ADCY3: variants seen among roughly 807,000 people sequenced by gnomAD.
ADCY3 encodes the protein adenylate cyclase 3.
In ADCY3, 70 loss-of-function variants were observed where a neutral mutation model predicts 119.4. The observed-to-expected ratio is 0.59, with a 90% confidence interval of 0.48 to 0.72. ADCY3 has a LOEUF of 0.72. Among genes scored for constraint, ADCY3 ranks in the 30% least tolerant of loss-of-function variants. The pLI is 0.00. For synonymous variants in ADCY3, 672 were observed against 621.4 expected (o/e 1.08, Z -1.21); for missense variants, 1,238 against 1,541.6 (o/e 0.80, Z 3.30).
intron 2 of ADCY3, among the ~76,000 whole-genome samples, chr2:24,881,014 CA>C (rs35610206): frequency 0.39 from 53,376 of 135,156 alleles, 9,846 homozygotes; most frequent in African/African-American, 0.47. Flanking sequence ...GACTCCACCT[CA>C]AAAAAAAAAA....
chr2:24,830,112 C>T (rs532140670), intron 13 of ADCY3, among the ~76,000 whole-genome samples: 3 of 146,202 alleles, frequency 2.1e-5, no homozygotes, highest in Non-Finnish European at 4.5e-5. Context: ...TCAATCTCGG[C>T]TCACTGCAAC....
chr2:24,847,792 T>C (rs1209664147), intron 3 of ADCY3, among the ~76,000 whole-genome samples: 2 of 152,244 alleles, frequency 1.3e-5, no homozygotes, highest in Non-Finnish European at 2.9e-5. Context: ...CCACCAGCTC[T>C]TGAGGGCAGC....
At chr2:24,911,014 C>T (rs558874140) in intron 2 of ADCY3, among the ~76,000 whole-genome samples, 42 of 152,072 alleles carry the variant, frequency 2.8e-4, no homozygotes, top group Non-Finnish European at 4.4e-5. Flanking sequence ...AATGTAACAA[C>T]GCCTCCTACA....
intron 17 of ADCY3, among the ~76,000 whole-genome samples, chr2:24,824,102 C>A (rs1186433706): frequency 1.3e-5 from 2 of 152,270 alleles, no homozygotes; most frequent in African/African-American, 4.8e-5. Flanking sequence ...GAGAAGTTCA[C>A]AGGCAACAGA....
At chr2:24,821,841 A>T in intron 19 of ADCY3, 1 of 682,710 alleles carries the variant, frequency 1.5e-6, no homozygotes, top group East Asian at 3.1e-5. Context: ...GTCTAGGCAA[A>T]GACTGGGCAA....
intron 9 of ADCY3, among the ~76,000 whole-genome samples, chr2:24,836,513 A>T (rs917468504): frequency 1.3e-5 from 2 of 152,236 alleles, no homozygotes; most frequent in African/African-American, 4.8e-5. Context: ...GGCTAAGGAA[A>T]TATCCCATCT....
At chr2:24,825,708 C>T (rs112304891) in intron 16 of ADCY3, 46 of 280,416 alleles carry the variant, frequency 1.6e-4, no homozygotes, top group East Asian at 1.6e-3. Context: ...TGTCCCTCAG[C>T]GCCACGGGGA....
chr2:24,917,372 C>T (rs1042108888), intron 2 of ADCY3, among the ~76,000 whole-genome samples: 24 of 152,330 alleles, frequency 1.6e-4, no homozygotes, highest in African/African-American at 5.3e-4. Context: ...AGTGGGGGAG[C>T]CTCTCTTGAC....
chr2:24,906,105 G>A (rs1430128090), intron 2 of ADCY3, among the ~76,000 whole-genome samples: 28 of 152,084 alleles, frequency 1.8e-4, no homozygotes, highest in Admixed American at 1.6e-3. Context: ...TCAGGAGATC[G>A]AGACCAGCCT....
intron 7 of ADCY3, chr2:24,838,829 G>A (rs1363948250): frequency 6.2e-7 from 1 of 1,608,996 alleles, no homozygotes; most frequent in African/African-American, 1.3e-5. Context: ...CTAGCTGTGT[G>A]GGCCGTATGG....
chr2:24,890,122 A>C (rs558877024), intron 2 of ADCY3, among the ~76,000 whole-genome samples: 2 of 152,164 alleles, frequency 1.3e-5, no homozygotes, highest in Non-Finnish European at 2.9e-5. Context: ...GCTAATGTTA[A>C]ACTGCACCAA....
intron 21 of ADCY3, 35 bp from the exon 22 acceptor site, chr2:24,820,149 C>T (rs768746457): frequency 3.2e-5 from 21 of 648,628 alleles, no homozygotes; most frequent in South Asian, 1.8e-4. Flanking sequence ...CGTGGCGTTA[C>T]GGGGGGAGCC....
intron 20 of ADCY3, 27 bp from the exon 21 acceptor site, chr2:24,820,875 C>T (rs1667537846): frequency 6.2e-7 from 1 of 1,611,616 alleles, no homozygotes; most frequent in Non-Finnish European, 8.5e-7. Context: ...AAGTTCAGCA[C>T]AGCCACAGGC....
At chr2:24,868,305 C>T (rs1406623856) in intron 3 of ADCY3, among the ~76,000 whole-genome samples, 1 of 152,098 alleles carries the variant, frequency 6.6e-6, no homozygotes, top group Admixed American at 6.5e-5. Flanking sequence ...AGATAAAGCT[C>T]AAACAATGTA....
chr2:24,856,203 G>A (rs574512715), intron 3 of ADCY3, among the ~76,000 whole-genome samples: 5 of 152,220 alleles, frequency 3.3e-5, no homozygotes, highest in East Asian at 1.9e-4. Flanking sequence ...GTGTCCATGC[G>A]TTAGCGCTTG....
At chr2:24,845,405 A>C (rs191629371) in intron 3 of ADCY3, among the ~76,000 whole-genome samples, 24 of 152,316 alleles carry the variant, frequency 1.6e-4, no homozygotes, top group African/African-American at 5.5e-4. Flanking sequence ...GGAGATAAGG[A>C]ACTTGTTGGG....
At chr2:24,889,647 G>C (rs1032577285) in intron 2 of ADCY3, among the ~76,000 whole-genome samples, 1 of 152,170 alleles carries the variant, frequency 6.6e-6, no homozygotes, top group African/African-American at 2.4e-5. Context: ...GACCAGCCTG[G>C]CCAACGTGGT....
intron 2 of ADCY3, among the ~76,000 whole-genome samples, chr2:24,890,879 T>A (rs1202848349): frequency 1.3e-5 from 2 of 151,908 alleles, no homozygotes; most frequent in African/African-American, 4.8e-5. Flanking sequence ...AGACCTTTCT[T>A]CTTTTTTTTT....
chr2:24,889,467 G>T (rs921017736), intron 2 of ADCY3, among the ~76,000 whole-genome samples: 4 of 152,178 alleles, frequency 2.6e-5, no homozygotes, highest in Admixed American at 2.6e-4. Context: ...TACTCATCTT[G>T]TATGTATTTC....
Sources: gnomAD v4.1 joint callset for allele counts (sites outside exome capture counted in the v4.1 genomes callset) on GRCh38, gnomAD v4.1.1 for gene constraint, MANE v1.5 for transcripts, NCBI Gene and HGNC (gene_info 2026-07-23, HGNC 2026-07-21) for gene names.